MACF1: variants seen among roughly 807,000 people sequenced by gnomAD.
MACF1 encodes the protein microtubule-actin cross-linking factor 1.
A neutral mutation model predicts 854.8 loss-of-function variants in MACF1; 193 were observed. The ratio of observed to expected loss-of-function variants is 0.23; its 90% CI spans 0.20 to 0.25. The LOEUF (loss-of-function observed/expected upper bound fraction) is 0.25. Among genes scored for constraint, MACF1 ranks in the 10% least tolerant of loss-of-function variants. The pLI is 1.00. For synonymous variants in MACF1, 3,185 were observed against 3,226.7 expected (o/e 0.99, Z 0.44); for missense variants, 7,722 against 8,929.1 (o/e 0.86, Z 5.45).
chr1:39,150,020 A>G (rs768197289), intron 2 of MACF1, among the ~76,000 whole-genome samples: 4 of 151,788 alleles, frequency 2.6e-5, no homozygotes, highest in Non-Finnish European at 5.9e-5. Flanking sequence ...ACCTGGGACT[A>G]TATCATGAAC....
chr1:39,442,631 G>A, intron 77 of MACF1, 64 bp downstream of exon 77: 1 of 1,609,066 alleles, frequency 6.2e-7, no homozygotes. Flanking sequence ...GCCACCAGCA[G>A]CCTTTGAATG....
intron 6 of MACF1, among the ~76,000 whole-genome samples, chr1:39,271,225 A>T (rs993600164): frequency 6.6e-6 from 1 of 152,218 alleles, no homozygotes; most frequent in African/African-American, 2.4e-5. Flanking sequence ...TACAGAAAGC[A>T]TGATGCTGGC....
Position 39,409,569 on chromosome 1 carries a change from C to T in MACF1, c.15817-12805C>T, listed in dbSNP as rs1373860705. 2 of 152,336 alleles carry T rather than the reference C, an allele frequency of 1.3e-5. No individual in the cohort carries two copies. Among genetic ancestry groups the T allele is most frequent in the Non-Finnish European group, 2.9e-5 (2 of 68,136 alleles). 9.4% of individuals were successfully genotyped at this position (152,336 alleles called of 1,614,324 possible). A position where few individuals can be genotyped will look rare whatever the true frequency, so the allele number is the denominator to read the frequency against. On this transcript the variant is annotated intron_variant, in intron 58 of 100. Transcript: ENST00000564288. This position sits in a 1 kb window ranked among gnomAD's most constrained non-coding sequence, Gnocchi z 4.2. The stretch of plus-strand genomic sequence containing the variant: ...AGGCCTGGCGCGGGGCTCCGCTCGC[C>T]TTGTTTTGCAGCTACAGCGCAGGGT...
At chr1:39,482,085 A>G (rs1181083493) in intron 99 of MACF1, among the ~76,000 whole-genome samples, 1 of 152,210 alleles carries the variant, frequency 6.6e-6, no homozygotes, top group African/African-American at 2.4e-5. Flanking sequence ...ATTCTCATAC[A>G]GTTCTGATAA....
At chr1:39,187,850 C>CTCTCTATCTCTCTG (rs1553160157) in intron 2 of MACF1, among the ~76,000 whole-genome samples, 1 of 106,314 alleles carries the variant, frequency 9.4e-6, no homozygotes, top group African/African-American at 3.5e-5. Flanking sequence ...GGCTGTCTTT[C>CTCTCTATCTCTCTG]TCTCTCTCTC....
At chr1:39,296,918 T>A (rs1363113372) in intron 20 of MACF1, among the ~76,000 whole-genome samples, 1 of 152,002 alleles carries the variant, frequency 6.6e-6, no homozygotes, top group Non-Finnish European at 1.5e-5. Context: ...CTGTTACCTC[T>A]GTTTTTGCCC....
intron 6 of MACF1, chr1:39,268,387 CAT>C (rs1308158054): frequency 4.3e-6 from 4 of 925,342 alleles, no homozygotes; most frequent in African/African-American, 3.6e-5. Context: ...CCAATTACCT[CAT>C]ATTTGGAGAG....
chr1:39,264,409 T>C (rs1645205836), intron 6 of MACF1, among the ~76,000 whole-genome samples: 1 of 152,220 alleles, frequency 6.6e-6, no homozygotes, highest in South Asian at 2.1e-4. Context: ...GATGCCTGCA[T>C]TAGTATGTAA....
intron 58 of MACF1, chr1:39,411,066 T>C: frequency 2.5e-6 from 4 of 1,613,684 alleles, no homozygotes; most frequent in Non-Finnish European, 3.4e-6. Context: ...AAAGTTTAGC[T>C]AAGGGAGGCT....
Position 39,438,492 on chromosome 1 carries a change from T to A in MACF1, c.18220+484T>A, listed in dbSNP as rs1235489937. 2.0e-5 allele frequency among the ~76,000 whole-genome samples: 3 copies of A among 152,322 alleles called. No homozygotes were observed. The East Asian group carries it at 5.8e-4, about 29-fold the overall frequency. On this transcript the variant is annotated intron_variant, in intron 71 of 100. Coordinates refer to ENST00000564288, the MANE Select transcript of MACF1 (RefSeq NM_001394062.1). ...TAAGAGGAAAACGCTAGTATATAAA[T>A]AATAGGCCGGAGCCACCCGCAGTGG...
chr1:39,328,298 C>T (rs977949757), intron 36 of MACF1: 1 of 151,988 alleles, frequency 6.6e-6, no homozygotes, highest in Non-Finnish European at 1.5e-5. Flanking sequence ...GTTGCTTCAC[C>T]ATATAAGGGA....
chr1:39,177,441 AG>A (rs1279477560), intron 2 of MACF1, among the ~76,000 whole-genome samples: 2 of 152,270 alleles, frequency 1.3e-5, no homozygotes, highest in African/African-American at 4.8e-5. Flanking sequence ...TTTCTATAGA[AG>A]GAGTTTTCCA....
rs1411685947 is a variant in MACF1, at chr1:39,358,831, C to T, written c.12078C>T (p.Ala4026=). 5 of 1,612,616 alleles carry T rather than the reference C, an allele frequency of 3.1e-6. No individual in the cohort carries two copies. The highest frequency in any genetic ancestry group is 1.1e-5 in the South Asian group (1 of 90,986). Residue 4026 remains alanine, a synonymous_variant, in exon 46 of 101, where the codon GCC becomes GCT. Coordinates refer to ENST00000564288, the MANE Select transcript of MACF1 (RefSeq NM_001394062.1). ...AGAAGCTCCTCTCAGATACTGTTGC[C>T]TCTGACCCTGGAGTTCTCCAGGAGC... The part of the protein sequence containing the change: ...NVEKLLSDTV[A]SDPGVLQEQL...
At position 39,283,708 on chromosome 1, in the gene MACF1, A is replaced by G. The variant is rs751837918; in HGVS notation, c.915+193A>G. Among the ~76,000 whole-genome samples the G allele has an allele frequency of 5.9e-5, 9 of 152,246 alleles. No homozygotes were observed. Among genetic ancestry groups the G allele is most frequent in the Non-Finnish European group, 1.0e-4 (7 of 68,046 alleles). On this transcript the variant is annotated intron_variant, in intron 9 of 100. Transcript: ENST00000564288. The surrounding 1 kb of genome is among the most constrained non-coding windows in gnomAD (Gnocchi z 4.5). ...TATTGCTAATTTTGTAACAATTAGC[A>G]TAGACTATTTGGTGCTAAATGCCAG...
At chr1:39,117,533 GGTGTGT>G (rs67609869) in intron 2 of MACF1, among the ~76,000 whole-genome samples, 64 of 147,602 alleles carry the variant, frequency 4.3e-4, no homozygotes, top group East Asian at 6.1e-4. Context: ...ACCTGCAAGA[GGTGTGT>G]GTGTGTGTGT....
chr1:39,205,201 G>C (rs1013074937), intron 1 of MACF1, 70 bp downstream of exon 1: 7 of 696,880 alleles, frequency 1.0e-5, no homozygotes, highest in Non-Finnish European at 1.8e-5. Flanking sequence ...GAATGATGGA[G>C]GTCTTCCCAG....
intron 2 of MACF1, among the ~76,000 whole-genome samples, chr1:39,233,813 A>T (rs1183196247): frequency 0.08 from 2,878 of 36,000 alleles, 131 homozygotes; most frequent in Non-Finnish European, 0.14. Flanking sequence ...TTTTTTATTG[A>T]TAATTCTTGG....
At chr1:39,477,092 C>T (rs11800662) in intron 97 of MACF1, among the ~76,000 whole-genome samples, 46,725 of 71,856 alleles carry the variant, frequency 0.65, 15,007 homozygotes, top group South Asian at 0.78. Context: ...TATATATATA[C>T]ACACACACAC....
chr1:39,286,440 T>C (rs1212689408), intron 14 of MACF1, among the ~76,000 whole-genome samples: 1 of 152,048 alleles, frequency 6.6e-6, no homozygotes, highest in African/African-American at 2.4e-5. Context: ...AGATGAAAAT[T>C]ATGTAAAGTC....
Sources: gnomAD v4.1 joint callset for allele counts (sites outside exome capture counted in the v4.1 genomes callset) on GRCh38, gnomAD v4.1.1 for gene constraint, Gnocchi (gnomAD v3.1) non-coding constraint, MANE v1.5 for transcripts, NCBI Gene and HGNC (gene_info 2026-07-23, HGNC 2026-07-21) for gene names.